Variants in SLC60A1 observed in about 807,000 individuals in gnomAD.
The protein encoded by SLC60A1 is solute carrier family 60 member 1.
the SLC60A1 span, chr1:205,600,484 AAG>A: frequency 6.2e-7 from 1 of 1,612,472 alleles, no homozygotes; most frequent in Non-Finnish European, 8.5e-7. Flanking sequence ...AAGGCAAGAG[AAG>A]ACTTTCAGCC....
the SLC60A1 span, among the ~76,000 whole-genome samples, chr1:205,599,443 G>A: frequency 6.6e-6 from 1 of 152,194 alleles, no homozygotes; most frequent in East Asian, 1.9e-4. Context: ...TGTCTGCGCT[G>A]GACTCTTAAG....
chr1:205,588,646 C>A, the SLC60A1 span, among the ~76,000 whole-genome samples: 1 of 152,134 alleles, frequency 6.6e-6, no homozygotes. Flanking sequence ...GAGCAAGCCT[C>A]TCCTGTGTAG....
At chr1:205,570,965 T>C in the SLC60A1 span, among the ~76,000 whole-genome samples, 1 of 152,318 alleles carries the variant, frequency 6.6e-6, no homozygotes, top group Non-Finnish European at 1.5e-5. Context: ...CTGGGCCATC[T>C]CTTCCTGGGT....
At chr1:205,581,739 C>T in the SLC60A1 span, among the ~76,000 whole-genome samples, 4 of 152,206 alleles carry the variant, frequency 2.6e-5, no homozygotes, top group African/African-American at 9.6e-5. The surrounding 1 kb of genome is among the most constrained non-coding windows in gnomAD (Gnocchi z 4.2). Context: ...CCTCTCTTTG[C>T]AGTAGGTGGA....
the SLC60A1 span, among the ~76,000 whole-genome samples, chr1:205,591,504 G>GAAAAAA: frequency 3.3e-4 from 24 of 71,696 alleles, no homozygotes; most frequent in South Asian, 7.7e-4. Context: ...AAAAAAAAAG[G>GAAAAAA]AAAGAAAAGA....
At chr1:205,598,216 A>T in the SLC60A1 span, 1 of 189,904 alleles carries the variant, frequency 5.3e-6, no homozygotes, top group Non-Finnish European at 1.1e-5. Context: ...ACCACTCCCT[A>T]CCCCACCTCT....
the SLC60A1 span, chr1:205,586,314 A>G: frequency 3.0e-6 from 4 of 1,352,548 alleles, no homozygotes; most frequent in Non-Finnish European, 4.1e-6. Context: ...TGCCAGCAGG[A>G]TGGGAACTCA....
chr1:205,597,384 T>TGG, the SLC60A1 span, among the ~76,000 whole-genome samples: 9 of 140,314 alleles, frequency 6.4e-5, no homozygotes, highest in Non-Finnish European at 1.3e-4. Flanking sequence ...TTTTTTTTTT[T>TGG]TTTTTTTTTT....
chr1:205,574,325 G>A, the SLC60A1 span, among the ~76,000 whole-genome samples: 2 of 151,820 alleles, frequency 1.3e-5, no homozygotes, highest in Admixed American at 6.5e-5. Context: ...CACACCTATA[G>A]TCCCAGCTAC....
the SLC60A1 span, chr1:205,586,055 T>C: frequency 1.2e-6 from 2 of 1,606,442 alleles, no homozygotes; most frequent in Non-Finnish European, 1.7e-6. Flanking sequence ...CGCCTTCGTG[T>C]ACAGCTATGC....
the SLC60A1 span, chr1:205,599,336 T>C: frequency 6.5e-7 from 1 of 1,529,702 alleles, no homozygotes. Context: ...CTATGGATCT[T>C]AACGTGCCAG....
At chr1:205,575,141 T>C in the SLC60A1 span, among the ~76,000 whole-genome samples, 1 of 152,118 alleles carries the variant, frequency 6.6e-6, no homozygotes, top group Non-Finnish European at 1.5e-5. Flanking sequence ...GTCTACTGGT[T>C]TCTTGTCCCA....
chr1:205,591,242 G>A, the SLC60A1 span, among the ~76,000 whole-genome samples: 1 of 152,150 alleles, frequency 6.6e-6, no homozygotes. Context: ...CAACAGTTTG[G>A]GAAGCTGAGG....
the SLC60A1 span, chr1:205,581,058 A>T: frequency 1.7e-6 from 2 of 1,193,250 alleles, no homozygotes; most frequent in East Asian, 2.6e-5. This position sits in a 1 kb window ranked among gnomAD's most constrained non-coding sequence, Gnocchi z 4.2. Flanking sequence ...AGGCAGGAGG[A>T]TGGGAGGACA....
chr1:205,589,980 A>C, the SLC60A1 span, among the ~76,000 whole-genome samples: 1 of 152,220 alleles, frequency 6.6e-6, no homozygotes, highest in South Asian at 2.1e-4. Context: ...GGAGGAATCA[A>C]GGACCTTAGA....
the SLC60A1 span, chr1:205,600,553 T>C: frequency 2.4e-6 from 3 of 1,259,380 alleles, no homozygotes; most frequent in African/African-American, 4.4e-5. Flanking sequence ...GTGGAGGCGC[T>C]CTCTCAATGG....
the SLC60A1 span, among the ~76,000 whole-genome samples, chr1:205,573,240 A>C: frequency 7.7e-6 from 1 of 130,614 alleles, no homozygotes; most frequent in African/African-American, 2.9e-5. Context: ...GTGAAACCCC[A>C]TCTCTACTAA....
the SLC60A1 span, among the ~76,000 whole-genome samples, chr1:205,572,396 T>C: frequency 6.6e-6 from 1 of 152,176 alleles, no homozygotes; most frequent in South Asian, 2.1e-4. Flanking sequence ...GCCCATGCTT[T>C]CTTAACAGAG....
the SLC60A1 span, chr1:205,592,382 T>A: frequency 2.6e-4 from 308 of 1,202,168 alleles, 2 homozygotes; most frequent in African/African-American, 1.3e-3. Flanking sequence ...TTTTTTTTTT[T>A]TAATTTTATT....
Sources: gnomAD v4.1 joint callset for allele counts (sites outside exome capture counted in the v4.1 genomes callset) on GRCh38, gnomAD v4.1.1 for gene constraint, Gnocchi (gnomAD v3.1) non-coding constraint, MANE v1.5 for transcripts, NCBI Gene and HGNC (gene_info 2026-07-23, HGNC 2026-07-21) for gene names.